The following GRIN3A variants were observed in gnomAD, a reference collection of about 807,000 sequenced individuals.
GRIN3A encodes the protein glutamate ionotropic receptor NMDA type subunit 3A.
A neutral mutation model predicts 92.4 loss-of-function variants in GRIN3A; 47 were observed. That is an observed-to-expected ratio of 0.51 (90% confidence interval 0.40 to 0.65). GRIN3A has a LOEUF of 0.65. Ranked by LOEUF, GRIN3A falls within the 30% of genes least tolerant of loss-of-function variation. The pLI is 0.00. For missense variants in GRIN3A, 1,324 were observed against 1,393.1 expected, an observed-to-expected ratio of 0.95 and a Z score of 0.79; for synonymous variants, 527 against 540.6, an observed-to-expected ratio of 0.97 and a Z score of 0.35.
At chr9:101,619,723 A>T (rs1215911278) in intron 5 of GRIN3A, among the ~76,000 whole-genome samples, 2 of 152,196 alleles carry the variant, frequency 1.3e-5, no homozygotes, top group Non-Finnish European at 2.9e-5. Context: ...ACTCATAAAC[A>T]GGCAAAGGTC....
intron 6 of GRIN3A, among the ~76,000 whole-genome samples, chr9:101,602,696 G>A (rs1317462772): frequency 1.3e-5 from 2 of 152,142 alleles, no homozygotes; most frequent in African/African-American, 2.4e-5. Flanking sequence ...ATAAAAGCGG[G>A]GACTCTTATT....
chr9:101,603,601 G>A (rs149292755), intron 6 of GRIN3A, among the ~76,000 whole-genome samples: 46 of 152,250 alleles, frequency 3.0e-4, no homozygotes, highest in Admixed American at 7.2e-4. Context: ...CCCTGCCTTT[G>A]AGGAGGTGGT....
At chr9:101,665,437 C>T (rs2146799) in intron 3 of GRIN3A, among the ~76,000 whole-genome samples, 50,934 of 151,372 alleles carry the variant, frequency 0.34, 9,391 homozygotes, top group Non-Finnish European at 0.41. Flanking sequence ...AACGGGGAAG[C>T]ACAGCAAAAC....
chr9:101,673,842 A>G (rs1327896195), intron 2 of GRIN3A, among the ~76,000 whole-genome samples: 1 of 152,114 alleles, frequency 6.6e-6, no homozygotes, highest in Non-Finnish European at 1.5e-5. Context: ...CAAGAAGGTC[A>G]AAGTCTAATT....
intron 1 of GRIN3A, among the ~76,000 whole-genome samples, chr9:101,719,148 G>C (rs1038446611): frequency 2.2e-4 from 33 of 152,166 alleles, no homozygotes; most frequent in African/African-American, 7.7e-4. Context: ...GCCGGGCGCA[G>C]TGGCTCATGC....
At chr9:101,605,367 G>T (rs1254578387) in intron 6 of GRIN3A, among the ~76,000 whole-genome samples, 2 of 152,180 alleles carry the variant, frequency 1.3e-5, no homozygotes, top group Non-Finnish European at 2.9e-5. Context: ...TCTCAGTTTT[G>T]CAGTGTAGGG....
rs1265832096 is a variant in GRIN3A at position 101,689,466 on chromosome 9, ATGGGAG to A, written c.700-2272_700-2267del. The stretch of plus-strand genomic sequence containing the variant: ...TCCAATAGGCATGAGAGAGAGAGAC[ATGGGAG>A]TGAAATGAAGACCCCTACAATGGAT... On this transcript the variant is annotated intron_variant, in intron 1 of 8. Transcript: ENST00000361820. Among the ~76,000 whole-genome samples, 9 of 152,278 alleles carry A rather than the reference ATGGGAG, an allele frequency of 5.9e-5. No individual in the cohort carries two copies. The South Asian group carries it at 1.7e-3, about 28-fold the overall frequency.
At chr9:101,596,901 CTTTG>C (rs765757782) in intron 6 of GRIN3A, among the ~76,000 whole-genome samples, 21 of 152,248 alleles carry the variant, frequency 1.4e-4, no homozygotes, top group Admixed American at 2.6e-4. Context: ...TTGCAGTGTC[CTTTG>C]TTTGAAAATG....
intron 1 of GRIN3A, among the ~76,000 whole-genome samples, chr9:101,724,296 G>A (rs1004435529): frequency 3.3e-5 from 5 of 152,190 alleles, no homozygotes; most frequent in South Asian, 2.1e-4. Flanking sequence ...GAAATCAAGC[G>A]CAGCGCCGGT....
chr9:101,623,429 C>T lies in GRIN3A; in HGVS notation c.2503G>A (p.Asp835Asn), dbSNP rs10989563. ...ATGAAGGCGTCTAGTTTCTCTGGAT[C>T]ATTCCTATATTTAAGACCAGAGGAG... ...TPDGVEYLKN[D>N]PEKLDAFIMD... The change falls in exon 5 of 9, where the codon GAT becomes AAT. Residue 835 changes from aspartate to asparagine, a missense_variant. Transcript: ENST00000361820. 0.22 allele frequency: 346,991 copies of T among 1,590,706 alleles called. 40,137 individuals are homozygous for T. The highest frequency in any genetic ancestry group is 0.24 in the Middle Eastern group (1,415 of 6,020).
intron 1 of GRIN3A, among the ~76,000 whole-genome samples, chr9:101,689,693 A>G (rs1268042837): frequency 6.6e-6 from 1 of 151,868 alleles, no homozygotes; most frequent in Admixed American, 6.6e-5. Context: ...TCCCCATATA[A>G]GGACAAAGGC....
chr9:101,715,574 A>AT (rs767217657), intron 1 of GRIN3A, among the ~76,000 whole-genome samples: 7 of 152,164 alleles, frequency 4.6e-5, no homozygotes, highest in Non-Finnish European at 8.8e-5. Flanking sequence ...AAAGTTTCAC[A>AT]TTTTTTTGAT....
intron 6 of GRIN3A, among the ~76,000 whole-genome samples, chr9:101,608,422 C>T (rs1000403065): frequency 6.6e-6 from 1 of 152,144 alleles, no homozygotes; most frequent in African/African-American, 2.4e-5. Flanking sequence ...TTAAAAACTG[C>T]AATGGAAAAA....
intron 6 of GRIN3A, among the ~76,000 whole-genome samples, chr9:101,601,882 A>G (rs1309156166): frequency 6.6e-6 from 1 of 152,122 alleles, no homozygotes; most frequent in East Asian, 1.9e-4. Flanking sequence ...CAATGACCCT[A>G]TTTCCAAACC....
At chr9:101,712,627 C>T (rs973249661) in intron 1 of GRIN3A, among the ~76,000 whole-genome samples, 7 of 152,194 alleles carry the variant, frequency 4.6e-5, no homozygotes, top group Admixed American at 4.6e-4. Context: ...TGCCTCTCAA[C>T]TTCCCAGTAA....
At chr9:101,621,722 A>T (rs80265887) in intron 5 of GRIN3A, among the ~76,000 whole-genome samples, 66 of 152,318 alleles carry the variant, frequency 4.3e-4, no homozygotes, top group African/African-American at 1.5e-3. Flanking sequence ...CAGCAGAGGC[A>T]AACAAGCCAT....
chr9:101,709,396 G>A (rs2065305164), intron 1 of GRIN3A, among the ~76,000 whole-genome samples: 1 of 152,088 alleles, frequency 6.6e-6, no homozygotes, highest in African/African-American at 2.4e-5. Flanking sequence ...TCTGCTTATG[G>A]GACCTTTGGT....
At chr9:101,679,820 A>T (rs866519994) in intron 2 of GRIN3A, among the ~76,000 whole-genome samples, 50 of 152,322 alleles carry the variant, frequency 3.3e-4, no homozygotes, top group African/African-American at 1.2e-3. Context: ...ATGCAACTGC[A>T]TTTCTTTTAA....
At chr9:101,573,773 A>AT (rs5899448) in intron 8 of GRIN3A, among the ~76,000 whole-genome samples, 3,255 of 92,526 alleles carry the variant, frequency 0.035, 81 homozygotes, top group African/African-American at 0.074. Context: ...GGTATGGTGC[A>AT]TTTTTTTTTT....
Sources: allele counts gnomAD v4.1 joint callset (sites outside exome capture counted in the v4.1 genomes callset), GRCh38; gene constraint gnomAD v4.1.1; transcripts MANE v1.5; gene names NCBI Gene and HGNC (gene_info 2026-07-23, HGNC 2026-07-21).